Variants in CFAP54 observed in about 807,000 individuals in gnomAD.
The protein encoded by CFAP54 is cilia- and flagella-associated protein 54.
A neutral mutation model predicts 370.4 loss-of-function variants in CFAP54; 290 were observed. The ratio of observed to expected loss-of-function variants is 0.78; its 90% CI spans 0.71 to 0.86. The LOEUF (loss-of-function observed/expected upper bound fraction) is 0.86, where lower values mean the gene tolerates loss of function less well. Ranked by LOEUF, CFAP54 falls within the 40% of genes least tolerant of loss-of-function variation. The probability of loss-of-function intolerance (pLI) is 0.00; values close to 1 mark genes in which losing one functional copy is unlikely to be tolerated. For synonymous variants in CFAP54, 1,206 were observed against 1,236.5 expected, an observed-to-expected ratio of 0.98 and a Z score of 0.52; for missense variants, 3,399 against 3,528.7, an observed-to-expected ratio of 0.96 and a Z score of 0.93.
At chr12:96,533,043 C>T (rs1426399588) in intron 9 of CFAP54, among the ~76,000 whole-genome samples, 2 of 152,154 alleles carry the variant, frequency 1.3e-5, no homozygotes, top group Non-Finnish European at 2.9e-5. Context: ...AGTGGGCAGA[C>T]TCTAGCACTC....
intron 65 of CFAP54, among the ~76,000 whole-genome samples, chr12:96,823,791 C>A (rs1324975569): frequency 6.6e-6 from 1 of 152,152 alleles, no homozygotes; most frequent in Non-Finnish European, 1.5e-5. Context: ...TGTGGGAAAG[C>A]AGGGCTGGAT....
intron 58 of CFAP54, among the ~76,000 whole-genome samples, chr12:96,761,165 G>C (rs1383161500): frequency 6.6e-6 from 1 of 152,188 alleles, no homozygotes; most frequent in Non-Finnish European, 1.5e-5. Context: ...CATGCTAGTA[G>C]GTATGAAGTG....
At chr12:96,678,566 C>A (rs1009391308) in intron 39 of CFAP54, among the ~76,000 whole-genome samples, 2 of 152,120 alleles carry the variant, frequency 1.3e-5, no homozygotes, top group Non-Finnish European at 2.9e-5. Context: ...TATTCCTGTT[C>A]TTATTCTAAC....
At chr12:96,840,626 C>T (rs111313952) in intron 66 of CFAP54, among the ~76,000 whole-genome samples, 26,832 of 120,428 alleles carry the variant, frequency 0.22, 3,757 homozygotes, top group African/African-American at 0.44. Flanking sequence ...CTGTTTCTTT[C>T]TTTTTTTTTT....
Position 96,818,694 on chromosome 12 carries a change from G to A in CFAP54, c.9096+781G>A, listed in dbSNP as rs74696963. Among the ~76,000 whole-genome samples, 1,033 of 152,346 alleles carry A rather than the reference G, an allele frequency of 6.8e-3. 9 individuals carry two copies. The highest frequency in any genetic ancestry group is 0.023 in the African/African-American group (962 of 41,576). On this transcript the variant is annotated intron_variant, in intron 65 of 67. Transcript: ENST00000524981. The stretch of plus-strand genomic sequence containing the variant: ...CCCACTCAAGCTTACTGCATGGAGA[G>A]CAGAGAATTATAGTTCTGCAGGCAG...
At chr12:96,846,382 T>C (rs1055860220) in intron 66 of CFAP54, among the ~76,000 whole-genome samples, 24 of 152,188 alleles carry the variant, frequency 1.6e-4, no homozygotes, top group African/African-American at 5.8e-4. Flanking sequence ...AACTCATGCT[T>C]CCTGCTCTAA....
At chr12:96,510,430 C>T (rs940160275) in intron 4 of CFAP54, among the ~76,000 whole-genome samples, 3 of 152,006 alleles carry the variant, frequency 2.0e-5, no homozygotes, top group Non-Finnish European at 2.9e-5. Context: ...ACAGTCAGAA[C>T]ATTTTAGTGC....
intron 45 of CFAP54, among the ~76,000 whole-genome samples, chr12:96,697,272 C>T (rs1957447402): frequency 6.6e-6 from 1 of 152,138 alleles, no homozygotes; most frequent in African/African-American, 2.4e-5. Flanking sequence ...AGTCCATGTT[C>T]AGAAATCTTA....
At position 96,720,569 on chromosome 12, in the gene CFAP54, C is replaced by T. The variant is rs769050714; in HGVS notation, c.6965+4C>T. On this transcript the variant is annotated splice_donor_region_variant and intron_variant, in intron 50 of 67. Coordinates refer to ENST00000524981, the MANE Select transcript of CFAP54 (RefSeq NM_001306084.2). ...AGAGGCACCGGGCGGCATACAGGTG[C>T]GTCTCTCCATGCACAGGGGAGGGAT... 1.2e-5 allele frequency: 18 copies of T among 1,520,278 alleles called. 1 individual carries two copies. The highest frequency in any genetic ancestry group is 1.1e-4 in the Admixed American group (5 of 47,350). The allele number at this position is 1,520,278 out of a possible 1,614,324, so 94.2% of individuals were successfully genotyped here.
chr12:96,765,382 C>G, intron 60 of CFAP54, 164 bp downstream of exon 60: 1 of 448,790 alleles, frequency 2.2e-6, no homozygotes, highest in Non-Finnish European at 4.0e-6. Context: ...ATAGAGGGCT[C>G]TTAGCTCACT....
At position 96,540,943 on chromosome 12, in the gene CFAP54, TG is replaced by T; in HGVS notation, c.2035del (p.Glu679AsnfsTer3). 1 of 1,517,712 alleles carries T rather than the reference TG, an allele frequency of 6.6e-7. No homozygotes were observed. Among genetic ancestry groups the T allele is most frequent in the South Asian group, 1.3e-5 (1 of 78,954 alleles). 94.0% of individuals were successfully genotyped at this position (1,517,712 alleles called of 1,614,324 possible). ...AEVTLRLSEI[L>X]ESLGSPGRKF... Reference sequence around the variant, plus strand: ...GTCACATTACGGTTAAGTGAAATATTGGAATCTTTAGGAAGCCCAGGAAGAA... The same window carrying T: ...GTCACATTACGGTTAAGTGAAATATTGAATCTTTAGGAAGCCCAGGAAGAA... On this transcript the variant is annotated frameshift_variant, in exon 14 of 68. Transcript: ENST00000524981. LOFTEE classifies it high-confidence loss of function.
At chr12:96,491,227 C>T (rs1015026781) in intron 1 of CFAP54, among the ~76,000 whole-genome samples, 1 of 151,888 alleles carries the variant, frequency 6.6e-6, no homozygotes, top group East Asian at 1.9e-4. Context: ...GATATGGGAG[C>T]AATTGATGAG....
chr12:96,603,404 C>A (rs1471418022), intron 26 of CFAP54, among the ~76,000 whole-genome samples: 1 of 152,156 alleles, frequency 6.6e-6, no homozygotes, highest in Non-Finnish European at 1.5e-5. Context: ...TCCTTCATTT[C>A]AACTTTAGTG....
chr12:96,604,406 AGGG>A (rs1250975314), intron 26 of CFAP54, among the ~76,000 whole-genome samples: 6 of 152,200 alleles, frequency 3.9e-5, no homozygotes, highest in Non-Finnish European at 1.5e-5. Context: ...CAGGTTACAC[AGGG>A]GTCAGGGACC....
intron 34 of CFAP54, among the ~76,000 whole-genome samples, chr12:96,649,307 C>G (rs761898365): frequency 1.3e-5 from 2 of 152,136 alleles, no homozygotes; most frequent in Non-Finnish European, 2.9e-5. Context: ...TTTTAGTATA[C>G]AGCTTCCTGA....
chr12:96,655,595 C>T (rs1956912929), intron 36 of CFAP54, among the ~76,000 whole-genome samples: 1 of 152,112 alleles, frequency 6.6e-6, no homozygotes, highest in South Asian at 2.1e-4. Context: ...GACAGAAGAA[C>T]ATTTTAAATG....
rs766079477 is a variant in CFAP54, at chr12:96,638,237, GTGTGTATA to G, written c.4317-5939_4317-5932del. Among the ~76,000 whole-genome samples the G allele has an allele frequency of 8.7e-3, 797 of 91,654 alleles. 9 individuals are homozygous for G. Among genetic ancestry groups the G allele is most frequent in the African/African-American group, 0.026 (734 of 27,926 alleles). The allele number at this position is 91,654 out of a possible 152,430, so 60.1% of individuals were successfully genotyped here. On this transcript the variant is annotated intron_variant, in intron 32 of 67. Coordinates refer to ENST00000524981, the MANE Select transcript of CFAP54 (RefSeq NM_001306084.2). ...TGTGTGTGTGTGTGTGTGTGTGTGT[GTGTGTATA>G]TATATATATATTTATTTTTTTTTGG... is the stretch of plus-strand genomic sequence containing the variant.
intron 66 of CFAP54, 26 bp downstream of exon 66, chr12:96,829,114 A>G (rs1047307367): frequency 1.6e-6 from 2 of 1,282,620 alleles, no homozygotes; most frequent in African/African-American, 3.0e-5. Flanking sequence ...TTAAAATTGT[A>G]TCTAATTCAC....
intron 9 of CFAP54, among the ~76,000 whole-genome samples, chr12:96,531,404 G>A (rs17025505): frequency 0.016 from 2,363 of 151,944 alleles, 73 homozygotes; most frequent in African/African-American, 0.054. Context: ...GGTGGGTTTA[G>A]TAATGCAGCA....
Sources: allele counts gnomAD v4.1 joint callset (sites outside exome capture counted in the v4.1 genomes callset), GRCh38; gene constraint gnomAD v4.1.1; transcripts MANE v1.5; gene names NCBI Gene and HGNC (gene_info 2026-07-23, HGNC 2026-07-21).